Variants in ABLIM3 observed in about 807,000 individuals in gnomAD.
ABLIM3 encodes the protein actin binding LIM protein family member 3.
Under a neutral mutation model 109.5 loss-of-function variants are expected in ABLIM3, and 61 were observed. The ratio of observed to expected loss-of-function variants is 0.56; its 90% CI spans 0.45 to 0.69. The LOEUF (loss-of-function observed/expected upper bound fraction) is 0.69, where lower values mean the gene tolerates loss of function less well. Among genes scored for constraint, ABLIM3 ranks in the 30% least tolerant of loss-of-function variants. The pLI is 0.00. For synonymous variants in ABLIM3, 300 were observed against 324.8 expected (o/e 0.92, Z 0.82); for missense variants, 796 against 889.5 (o/e 0.89, Z 1.34).
intron 16 of ABLIM3, 50 bp from the exon 17 acceptor site, chr5:149,246,432 G>A (rs1753361133): frequency 6.3e-7 from 1 of 1,577,456 alleles, no homozygotes; most frequent in Admixed American, 1.9e-5. Context: ...CCTTAAGCCA[G>A]GCTGAGTGGG....
chr5:149,242,710 C>A, intron 15 of ABLIM3, 172 bp downstream of exon 15: 2 of 700,886 alleles, frequency 2.9e-6, no homozygotes, highest in South Asian at 3.4e-5. Flanking sequence ...AGTTTGGTAT[C>A]ATTTCAAAAG....
intron 2 of ABLIM3, among the ~76,000 whole-genome samples, chr5:149,145,515 G>T (rs1351602416): frequency 6.6e-6 from 1 of 152,090 alleles, no homozygotes; most frequent in Non-Finnish European, 1.5e-5. Context: ...TCCAGTAATG[G>T]GATTGCTAGG....
intron 2 of ABLIM3, among the ~76,000 whole-genome samples, chr5:149,169,551 A>G (rs1198255132): frequency 6.6e-6 from 1 of 152,158 alleles, no homozygotes; most frequent in Non-Finnish European, 1.5e-5. Flanking sequence ...AATTTTCGCC[A>G]AACAAGATTC....
chr5:149,203,549 C>A (rs1192575235), intron 5 of ABLIM3, among the ~76,000 whole-genome samples: 2 of 152,036 alleles, frequency 1.3e-5, no homozygotes, highest in Non-Finnish European at 2.9e-5. Flanking sequence ...TCATCACTAC[C>A]ATCACCACCC....
At chr5:149,165,435 G>C (rs1754734416) in intron 2 of ABLIM3, among the ~76,000 whole-genome samples, 1 of 151,996 alleles carries the variant, frequency 6.6e-6, no homozygotes, top group Non-Finnish European at 1.5e-5. Context: ...TATTGTTTTT[G>C]GTTGTTCTTG....
At chr5:149,163,996 A>G (rs1410083469) in intron 2 of ABLIM3, 1 of 152,202 alleles carries the variant, frequency 6.6e-6, no homozygotes, top group Non-Finnish European at 1.5e-5. Context: ...TTTCCTATAA[A>G]GGGTATTTAG....
At chr5:149,232,761 T>A (rs1247625290) in intron 9 of ABLIM3, among the ~76,000 whole-genome samples, 1 of 151,790 alleles carries the variant, frequency 6.6e-6, no homozygotes, top group African/African-American at 2.4e-5. Flanking sequence ...CAGAGACAGT[T>A]TTTTTTTTAA....
intron 9 of ABLIM3, among the ~76,000 whole-genome samples, chr5:149,232,107 A>G (rs1761924459): frequency 6.6e-6 from 1 of 152,180 alleles, no homozygotes; most frequent in African/African-American, 2.4e-5. Context: ...GTAGTTCGAG[A>G]CCAGGCTGGC....
intron 2 of ABLIM3, among the ~76,000 whole-genome samples, chr5:149,161,701 TC>T (rs1363254036): frequency 6.6e-6 from 1 of 152,202 alleles, no homozygotes; most frequent in Non-Finnish European, 1.5e-5. Context: ...TGATATTTTT[TC>T]CTTTCCTGTT....
At chr5:149,206,911 C>G in intron 5 of ABLIM3, 97 bp from the exon 6 acceptor site, 5 of 1,507,322 alleles carry the variant, frequency 3.3e-6, no homozygotes, top group Non-Finnish European at 2.7e-6. Flanking sequence ...TATGGGAACA[C>G]TGGCATTCAG....
At chr5:149,255,005 G>A (rs1216850498) in intron 23 of ABLIM3, among the ~76,000 whole-genome samples, 1 of 152,174 alleles carries the variant, frequency 6.6e-6, no homozygotes, top group Non-Finnish European at 1.5e-5. Context: ...GACTGAAGAA[G>A]GAAGACTATG....
chr5:149,210,839 C>T lies in ABLIM3; in HGVS notation c.669+20C>T, dbSNP rs751903790. On this transcript the variant is annotated intron_variant, in intron 7 of 23. Transcript: ENST00000309868. ...TTGGAGGTGAGTGGGTATAAGTAAC[C>T]GTGAAGATGTGGCAGGGTGATCTGT... is the stretch of plus-strand genomic sequence containing the variant. 5 of 1,607,896 alleles carry T rather than the reference C, an allele frequency of 3.1e-6. No homozygotes were observed. Among genetic ancestry groups the T allele is most frequent in the African/African-American group, 1.3e-5 (1 of 74,768 alleles).
At chr5:149,201,024 C>T (rs911595521) in intron 5 of ABLIM3, among the ~76,000 whole-genome samples, 3 of 152,124 alleles carry the variant, frequency 2.0e-5, no homozygotes, top group Non-Finnish European at 2.9e-5. Context: ...AGATTCAGAA[C>T]CACTGTCTAG....
intron 2 of ABLIM3, among the ~76,000 whole-genome samples, chr5:149,170,330 C>T (rs537041610): frequency 1.5e-4 from 23 of 151,700 alleles, no homozygotes; most frequent in African/African-American, 5.1e-4. Flanking sequence ...AGCAAGATGG[C>T]AAAGGAGCCC....
At chr5:149,178,085 G>A (rs1756120330) in intron 2 of ABLIM3, among the ~76,000 whole-genome samples, 1 of 152,080 alleles carries the variant, frequency 6.6e-6, no homozygotes, top group Non-Finnish European at 1.5e-5. Flanking sequence ...TGACTCTGTG[G>A]CCTCACTGTA....
chr5:149,175,594 G>A (rs1199110587), intron 2 of ABLIM3, among the ~76,000 whole-genome samples: 1 of 152,102 alleles, frequency 6.6e-6, no homozygotes, highest in East Asian at 1.9e-4. Context: ...GTCAACAGCA[G>A]AGGAGGAAAG....
At chr5:149,150,956 A>C (rs935993945) in intron 2 of ABLIM3, among the ~76,000 whole-genome samples, 2 of 152,244 alleles carry the variant, frequency 1.3e-5, no homozygotes, top group African/African-American at 4.8e-5. Flanking sequence ...TAAATAAGTT[A>C]GTTGTGAATT....
rs897355461 is a variant in ABLIM3, at chr5:149,198,571, T to A, written c.335+169T>A. ...TGATGGGCCAGTGGTTTTCAAACAC[T>A]GTAGCATCTGAATCTTTCTTATAAA... is the stretch of plus-strand genomic sequence containing the variant. On this transcript the variant is annotated intron_variant, in intron 4 of 23. Transcript: ENST00000309868. This position sits in a 1 kb window ranked among gnomAD's most constrained non-coding sequence, Gnocchi z 4.2. Among the ~76,000 whole-genome samples, 1 of 152,246 alleles carries A rather than the reference T, an allele frequency of 6.6e-6. No individual in the cohort carries two copies. The highest frequency in any genetic ancestry group is 1.5e-5 in the Non-Finnish European group (1 of 68,040).
chr5:149,207,123 G>A lies in ABLIM3; in HGVS notation c.564G>A (p.Glu188=). Residue 188 remains glutamate, a synonymous_variant, in exon 6 of 24, where the codon GAG becomes GAA. Transcript: ENST00000309868. ...CCTGCAGCGTCATCCTCACCGGGGAGTATATCAGCAAGTGGGTCCCCCTGC... is the reference window on the plus strand; with the variant it reads ...CCTGCAGCGTCATCCTCACCGGGGAATATATCAGCAAGTGGGTCCCCCTGC... ...CQTCSVILTG[E]YISKDGVPYC... 6.2e-7 allele frequency: 1 copy of A among 1,613,588 alleles called. No homozygotes were observed. The highest frequency in any genetic ancestry group is 8.5e-7 in the Non-Finnish European group (1 of 1,179,714).
Sources: allele counts gnomAD v4.1 joint callset (sites outside exome capture counted in the v4.1 genomes callset), GRCh38; gene constraint gnomAD v4.1.1; non-coding constraint Gnocchi (gnomAD v3.1); transcripts MANE v1.5; gene names NCBI Gene and HGNC (gene_info 2026-07-23, HGNC 2026-07-21).